BTBD9: variants seen among roughly 807,000 people sequenced by gnomAD.
BTBD9 encodes the protein BTB domain containing 9, also known as BTB/POZ domain-containing protein 9.
In BTBD9, 49 loss-of-function variants were observed where a neutral mutation model predicts 64.3. The ratio of observed to expected loss-of-function variants is 0.76; its 90% CI spans 0.61 to 0.97. BTBD9 has a LOEUF of 0.97. BTBD9 is among the 50% of genes least tolerant of loss of function. The pLI is 0.00. For missense variants in BTBD9, 598 were observed against 762.1 expected (o/e 0.78, Z 2.53); for synonymous variants, 260 against 274.7 (o/e 0.95, Z 0.53).
At chr6:38,543,730 G>C (rs1019172255) in intron 6 of BTBD9, among the ~76,000 whole-genome samples, 2 of 152,074 alleles carry the variant, frequency 1.3e-5, no homozygotes, top group Non-Finnish European at 2.9e-5. Flanking sequence ...GGCCGAGACG[G>C]GCGGATCACG....
intron 6 of BTBD9, among the ~76,000 whole-genome samples, chr6:38,365,034 C>T: frequency 6.6e-6 from 1 of 151,986 alleles, no homozygotes; most frequent in African/African-American, 2.4e-5. Context: ...ATTTTTAGGA[C>T]TAGGCTAAAT....
intron 9 of BTBD9, among the ~76,000 whole-genome samples, chr6:38,246,963 T>A (rs1364358150): frequency 6.6e-6 from 1 of 152,216 alleles, no homozygotes; most frequent in Non-Finnish European, 1.5e-5. Context: ...CTCCTTTATA[T>A]CCTGCTTTCT....
intron 6 of BTBD9, among the ~76,000 whole-genome samples, chr6:38,369,601 A>C (rs1347027434): frequency 1.3e-5 from 2 of 152,272 alleles, no homozygotes; most frequent in African/African-American, 4.8e-5. Context: ...CTTCTCTGAA[A>C]AGTAATTTCA....
chr6:38,274,180 T>C (rs945888167), intron 8 of BTBD9, among the ~76,000 whole-genome samples: 1 of 152,206 alleles, frequency 6.6e-6, no homozygotes, highest in Non-Finnish European at 1.5e-5. Context: ...GCTCTCTGTT[T>C]GTCTGTTATT....
chr6:38,392,501 C>A (rs1766464580), intron 6 of BTBD9, among the ~76,000 whole-genome samples: 3 of 151,804 alleles, frequency 2.0e-5, no homozygotes. Flanking sequence ...GCTACCCAAT[C>A]TTGACTAAGC....
intron 6 of BTBD9, among the ~76,000 whole-genome samples, chr6:38,573,070 C>T (rs950391130): frequency 1.3e-5 from 2 of 151,954 alleles, no homozygotes; most frequent in East Asian, 3.9e-4. Context: ...GAAAAATATG[C>T]AGAAGACAAA....
intron 7 of BTBD9, among the ~76,000 whole-genome samples, chr6:38,298,930 T>A (rs544472709): frequency 1.3e-5 from 2 of 151,992 alleles, no homozygotes; most frequent in African/African-American, 4.8e-5. Context: ...TATGTATACA[T>A]GTGCCATGTT....
At chr6:38,375,346 A>T (rs1427446398) in intron 6 of BTBD9, among the ~76,000 whole-genome samples, 1 of 152,184 alleles carries the variant, frequency 6.6e-6, no homozygotes, top group Non-Finnish European at 1.5e-5. Flanking sequence ...AATATTTACT[A>T]AGCAATCATA....
At chr6:38,386,286 A>G (rs1766165282) in intron 6 of BTBD9, among the ~76,000 whole-genome samples, 1 of 152,132 alleles carries the variant, frequency 6.6e-6, no homozygotes, top group Admixed American at 6.6e-5. Context: ...GCCACCTCAA[A>G]ATTTCATAAG....
chr6:38,303,856 T>TA, intron 7 of BTBD9, among the ~76,000 whole-genome samples: 1 of 118,620 alleles, frequency 8.4e-6, no homozygotes, highest in Non-Finnish European at 1.7e-5. Flanking sequence ...TATATATATA[T>TA]ATATATATAT....
chr6:38,237,959 G>C (rs943936343), intron 9 of BTBD9, among the ~76,000 whole-genome samples: 2 of 152,140 alleles, frequency 1.3e-5, no homozygotes, highest in Non-Finnish European at 2.9e-5. Context: ...GCAATAAAGA[G>C]AGTCCCTGTC....
chr6:38,266,618 GA>G (rs1554133526), intron 8 of BTBD9, among the ~76,000 whole-genome samples: 11 of 16,074 alleles, frequency 6.8e-4, no homozygotes, highest in East Asian at 2.3e-3. Context: ...AAGAAAGAAA[GA>G]AAGAAAGAAA....
intron 9 of BTBD9, among the ~76,000 whole-genome samples, chr6:38,222,663 T>C (rs9470830): frequency 0.021 from 3,230 of 152,266 alleles, 113 homozygotes; most frequent in African/African-American, 0.071. Context: ...CACTCATCTC[T>C]GTCTCTCAAA....
chr6:38,610,674 G>A (rs79820022), intron 1 of BTBD9, among the ~76,000 whole-genome samples: 1 of 152,110 alleles, frequency 6.6e-6, no homozygotes, highest in Admixed American at 6.5e-5. Context: ...CCTTGAAAAA[G>A]GGAAAGGGAG....
At chr6:38,294,234 T>C (rs1477262514) in intron 7 of BTBD9, among the ~76,000 whole-genome samples, 1 of 152,160 alleles carries the variant, frequency 6.6e-6, no homozygotes, top group Non-Finnish European at 1.5e-5. Flanking sequence ...TGTAAACTAG[T>C]TCAACCATTG....
At chr6:38,179,001 T>C (rs879597961) in intron 10 of BTBD9, among the ~76,000 whole-genome samples, 11 of 152,166 alleles carry the variant, frequency 7.2e-5, no homozygotes, top group Admixed American at 3.3e-4. Flanking sequence ...TACAGGCACG[T>C]GCCACCACAC....
chr6:38,368,900 G>A (rs1765300166), intron 6 of BTBD9, among the ~76,000 whole-genome samples: 1 of 152,152 alleles, frequency 6.6e-6, no homozygotes, highest in Non-Finnish European at 1.5e-5. Context: ...TTCAGGCTCA[G>A]ATGTGTAGGC....
chr6:38,445,252 T>C (rs1431451779), intron 6 of BTBD9, among the ~76,000 whole-genome samples: 2 of 152,236 alleles, frequency 1.3e-5, no homozygotes, highest in African/African-American at 4.8e-5. Context: ...ACCTAGCCTA[T>C]TCTGACTGAT....
At chr6:38,512,384 G>A (rs1772816448) in intron 6 of BTBD9, among the ~76,000 whole-genome samples, 1 of 152,162 alleles carries the variant, frequency 6.6e-6, no homozygotes, top group South Asian at 2.1e-4. Context: ...CTATTAATTA[G>A]GTGTCAACAT....
Sources: allele counts gnomAD v4.1 joint callset (sites outside exome capture counted in the v4.1 genomes callset), GRCh38; gene constraint gnomAD v4.1.1; transcripts MANE v1.5; gene names NCBI Gene and HGNC (gene_info 2026-07-23, HGNC 2026-07-21).